MAK: variants seen among roughly 807,000 people sequenced by gnomAD.
MAK encodes male germ cell associated kinase, also known as serine/threonine-protein kinase MAK.
A neutral mutation model predicts 82.6 loss-of-function variants in MAK; 65 were observed. The observed-to-expected ratio is 0.79, with a 90% CI of 0.64 to 0.97. The LOEUF is 0.97. MAK is among the 50% of genes least tolerant of loss of function. The pLI, the probability that MAK is intolerant of heterozygous loss-of-function variation, is 0.00. For synonymous variants in MAK, 250 were observed against 274.2 expected, an observed-to-expected ratio of 0.91 and a Z score of 0.87; for missense variants, 703 against 780.2, an observed-to-expected ratio of 0.90 and a Z score of 1.18.
chr6:10,791,648 A>G (rs774880156), intron 10 of MAK, 27 bp downstream of exon 10: 14 of 1,601,818 alleles, frequency 8.7e-6, no homozygotes, highest in Non-Finnish European at 1.0e-5. Context: ...TGGCAAAAAT[A>G]TTTTTCTGAG....
At chr6:10,830,256 C>A (rs570781223) in intron 2 of MAK, among the ~76,000 whole-genome samples, 1 of 151,366 alleles carries the variant, frequency 6.6e-6, no homozygotes, top group East Asian at 2.0e-4. Flanking sequence ...ACTTCCACCT[C>A]CTGGGTTCAA....
chr6:10,790,526 C>T (rs186426482), intron 10 of MAK, among the ~76,000 whole-genome samples: 1 of 152,256 alleles, frequency 6.6e-6, no homozygotes, highest in Admixed American at 6.5e-5. Context: ...AGTAAAGGAA[C>T]TGCTAGAGAT....
Position 10,817,885 on chromosome 6 carries a change from A to G in MAK, c.243T>C (p.Tyr81=), listed in dbSNP as rs1329455056. Residue 81 remains tyrosine, a synonymous_variant, in exon 4 of 15, where the codon TAT becomes TAC. Coordinates refer to ENST00000354489, the MANE Select transcript of MAK (RefSeq NM_001242957.3). Reference sequence around the variant, plus strand: ...TTAATTGATAGAGGTTTTCTTTCATATATTCAAATATAAAATAAAGATGGT... The same window carrying G: ...TTAATTGATAGAGGTTTTCTTTCATGTATTCAAATATAAAATAAAGATGGT... The part of the protein sequence containing the change: ...ENDHLYFIFE[Y]MKENLYQLMK... 1.4e-6 allele frequency: 2 copies of G among 1,438,844 alleles called. No homozygotes were observed. Among genetic ancestry groups the G allele is most frequent in the African/African-American group, 1.4e-5 (1 of 71,442 alleles). 89.1% of individuals were successfully genotyped at this position (1,438,844 alleles called of 1,614,324 possible).
In MAK at chr6:10,821,200, C is replaced by T. The variant is rs531648467; in HGVS notation, c.102-2260G>A. On this transcript the variant is annotated intron_variant, in intron 2 of 14. Coordinates refer to ENST00000354489, the MANE Select transcript of MAK (RefSeq NM_001242957.3). ...CTGGGCTCAAGCAATCTGCCCACCT[C>T]GGCCTCTCAAAGTGCTGGGATTACA... Among the ~76,000 whole-genome samples the T allele has an allele frequency of 5.2e-4, 79 of 152,310 alleles. 1 individual carries two copies. Among genetic ancestry groups the T allele is most frequent in the South Asian group, 1.5e-3 (7 of 4,822 alleles).
At chr6:10,815,912 GTATATATATA>G (rs3064109) in intron 4 of MAK, among the ~76,000 whole-genome samples, 2,202 of 108,218 alleles carry the variant, frequency 0.02, 100 homozygotes, top group East Asian at 0.079. Context: ...GCTTTATACA[GTATATATATA>G]TATATATATA....
intron 6 of MAK, among the ~76,000 whole-genome samples, chr6:10,807,138 G>A (rs977633371): frequency 1.1e-4 from 17 of 151,752 alleles, no homozygotes; most frequent in African/African-American, 1.7e-4. Flanking sequence ...CAGAATTCAC[G>A]TGTGGCGTGC....
chr6:10,817,539 C>T (rs1203370059), intron 4 of MAK, among the ~76,000 whole-genome samples: 1 of 152,108 alleles, frequency 6.6e-6, no homozygotes, highest in African/African-American at 2.4e-5. Flanking sequence ...CTCAATAATG[C>T]CCAAGGCCAG....
chr6:10,825,976 A>G (rs1184812914), intron 2 of MAK, among the ~76,000 whole-genome samples: 1 of 152,218 alleles, frequency 6.6e-6, no homozygotes, highest in East Asian at 1.9e-4. Flanking sequence ...CTCTTCTGCT[A>G]ATCAGCCAGT....
chr6:10,810,866 C>A (rs1475423308), intron 5 of MAK, among the ~76,000 whole-genome samples: 2 of 152,182 alleles, frequency 1.3e-5, no homozygotes, highest in African/African-American at 4.8e-5. Context: ...GACACTAATC[C>A]ATAAAGTCTT....
intron 1 of MAK, among the ~76,000 whole-genome samples, chr6:10,833,707 AT>A (rs892792919): frequency 6.6e-6 from 1 of 152,108 alleles, no homozygotes; most frequent in African/African-American, 2.4e-5. Flanking sequence ...CACATATAAA[AT>A]AATTTAGGCT....
At chr6:10,764,790 C>T (rs935965854) in intron 14 of MAK, among the ~76,000 whole-genome samples, 184 bp from the exon 15 acceptor site, 3 of 152,112 alleles carry the variant, frequency 2.0e-5, no homozygotes, top group Non-Finnish European at 4.4e-5. Flanking sequence ...ATGTTGACAT[C>T]CATTAGAATT....
intron 4 of MAK, among the ~76,000 whole-genome samples, chr6:10,813,970 T>G (rs1194256565): frequency 1.4e-4 from 1 of 7,118 alleles, no homozygotes; most frequent in Non-Finnish European, 3.3e-4. Flanking sequence ...AAATAGCTAA[T>G]TTTTTTTTTT....
At chr6:10,797,430 T>A (rs1277159859) in intron 8 of MAK, among the ~76,000 whole-genome samples, 1 of 152,192 alleles carries the variant, frequency 6.6e-6, no homozygotes, top group East Asian at 1.9e-4. Flanking sequence ...GGGACGCTAC[T>A]AGTGTCTAGT....
chr6:10,814,956 G>A (rs1331109940), intron 4 of MAK, among the ~76,000 whole-genome samples: 1 of 151,694 alleles, frequency 6.6e-6, no homozygotes. Flanking sequence ...AAAATCGCTT[G>A]AACCCGGAGG....
chr6:10,808,295 A>C (rs1012285190), intron 6 of MAK, among the ~76,000 whole-genome samples: 1 of 152,168 alleles, frequency 6.6e-6, no homozygotes, highest in Non-Finnish European at 1.5e-5. Flanking sequence ...ACATTGCTGC[A>C]TGCAGTCATA....
intron 8 of MAK, among the ~76,000 whole-genome samples, chr6:10,797,433 T>G (rs1389405470): frequency 6.6e-6 from 1 of 152,204 alleles, no homozygotes; most frequent in Admixed American, 6.5e-5. Flanking sequence ...ACGCTACTAG[T>G]GTCTAGTGTC....
At chr6:10,822,080 G>A (rs1471358143) in intron 2 of MAK, among the ~76,000 whole-genome samples, 1 of 147,718 alleles carries the variant, frequency 6.8e-6, no homozygotes, top group African/African-American at 2.5e-5. Flanking sequence ...TCGGGAGGCA[G>A]AGCTTGCAGT....
intron 12 of MAK, among the ~76,000 whole-genome samples, chr6:10,773,691 T>A (rs1304770921): frequency 8.0e-6 from 1 of 125,212 alleles, no homozygotes; most frequent in Non-Finnish European, 1.7e-5. Flanking sequence ...CTATTAGTGA[T>A]TTTTTTTTTT....
chr6:10,814,108 T>A (rs1384543981), intron 4 of MAK, among the ~76,000 whole-genome samples: 3 of 152,050 alleles, frequency 2.0e-5, no homozygotes, highest in Non-Finnish European at 4.4e-5. Flanking sequence ...TAGCTGGGAT[T>A]ATAGGCATGC....
Sources: gnomAD v4.1 joint callset for allele counts (sites outside exome capture counted in the v4.1 genomes callset) on GRCh38, gnomAD v4.1.1 for gene constraint, MANE v1.5 for transcripts, NCBI Gene and HGNC (gene_info 2026-07-23, HGNC 2026-07-21) for gene names.